Variants in USP48 observed in about 807,000 individuals in gnomAD.
USP48 encodes ubiquitin carboxyl-terminal hydrolase 48.
Under a neutral mutation model 150.7 loss-of-function variants are expected in USP48, and 43 were observed. The ratio of observed to expected loss-of-function variants is 0.29; its 90% CI spans 0.22 to 0.37. The LOEUF (loss-of-function observed/expected upper bound fraction) is 0.37. Ranked by LOEUF, USP48 falls within the 10% of genes least tolerant of loss-of-function variation. USP48 has a pLI of 1.00. For missense variants in USP48, 813 were observed against 1,249.6 expected (o/e 0.65, Z 5.27); for synonymous variants, 396 against 425.9 (o/e 0.93, Z 0.86).
At chr1:21,750,279 G>C (rs1557564597) in intron 6 of USP48, among the ~76,000 whole-genome samples, 1 of 151,940 alleles carries the variant, frequency 6.6e-6, no homozygotes, top group Non-Finnish European at 1.5e-5. Context: ...TCTCATTTTG[G>C]GCTCTGCACT....
At chr1:21,715,298 T>C (rs1186043242) in intron 15 of USP48, 91 bp downstream of exon 15, 4 of 962,004 alleles carry the variant, frequency 4.2e-6, no homozygotes, top group Non-Finnish European at 6.2e-6. Flanking sequence ...CCAGGTAAGA[T>C]GTGAGAGATA....
At chr1:21,689,228 TG>T (rs2097589498) in intron 24 of USP48, among the ~76,000 whole-genome samples, 1 of 149,746 alleles carries the variant, frequency 6.7e-6, no homozygotes. Context: ...TTTTTTTTTT[TG>T]TGGGGGCAGC....
chr1:21,701,469 T>A (rs1463907047), intron 22 of USP48, 29 bp downstream of exon 22: 1 of 1,593,468 alleles, frequency 6.3e-7, no homozygotes, highest in East Asian at 2.2e-5. Context: ...GCAGAAAGTA[T>A]AACAATGAAA....
At chr1:21,701,755 C>A (rs973633274) in intron 21 of USP48, among the ~76,000 whole-genome samples, 153 bp from the exon 22 acceptor site, 7 of 152,176 alleles carry the variant, frequency 4.6e-5, no homozygotes, top group Admixed American at 4.6e-4. Flanking sequence ...AAGAATCAAG[C>A]CTTCACGGTT....
intron 1 of USP48, among the ~76,000 whole-genome samples, chr1:21,764,828 A>G (rs1212018359): frequency 6.6e-6 from 1 of 152,086 alleles, no homozygotes; most frequent in Non-Finnish European, 1.5e-5. Flanking sequence ...AAAAAGTTCT[A>G]AACCTCTCAT....
intron 23 of USP48, among the ~76,000 whole-genome samples, chr1:21,692,315 C>T (rs2097604544): frequency 6.6e-6 from 1 of 152,050 alleles, no homozygotes; most frequent in African/African-American, 2.4e-5. Flanking sequence ...GCTCAGCATG[C>T]AAACATCAAG....
intron 8 of USP48, among the ~76,000 whole-genome samples, chr1:21,743,415 G>A (rs569352424): frequency 3.3e-5 from 5 of 152,248 alleles, no homozygotes; most frequent in Admixed American, 2.6e-4. Context: ...TAACTATCAC[G>A]GACTCAGCAG....
chr1:21,680,491 G>A (rs2097562958), intron 26 of USP48, among the ~76,000 whole-genome samples: 2 of 152,160 alleles, frequency 1.3e-5, no homozygotes, highest in African/African-American at 2.4e-5. Context: ...GAAGAACTGG[G>A]AAAAGGTTAA....
At chr1:21,780,767 G>C (rs1223445699) in intron 1 of USP48, among the ~76,000 whole-genome samples, 1 of 120,268 alleles carries the variant, frequency 8.3e-6, no homozygotes, top group South Asian at 2.8e-4. Context: ...TTTTGAGACT[G>C]AGTCTCGCCC....
chr1:21,734,441 G>A (rs886736045), intron 9 of USP48, among the ~76,000 whole-genome samples: 3 of 152,058 alleles, frequency 2.0e-5, no homozygotes, highest in African/African-American at 7.2e-5. Context: ...AAATTTAAAA[G>A]TGAAAGAATG....
intron 8 of USP48, among the ~76,000 whole-genome samples, chr1:21,742,666 T>C: frequency 6.6e-6 from 1 of 152,182 alleles, no homozygotes; most frequent in Admixed American, 6.5e-5. Flanking sequence ...GGAGATGTGA[T>C]GGTCTTAGAT....
At chr1:21,748,417 CAA>C in intron 6 of USP48, 146 bp from the exon 7 acceptor site, 2 of 707,114 alleles carry the variant, frequency 2.8e-6, no homozygotes, top group Non-Finnish European at 4.5e-6. Context: ...AATGGACACA[CAA>C]AAGTAATGGG....
At chr1:21,704,476 AC>A in intron 19 of USP48, 84 bp from the exon 20 acceptor site, 2 of 1,383,364 alleles carry the variant, frequency 1.4e-6, no homozygotes, top group Non-Finnish European at 1.9e-6. Flanking sequence ...CTAAACCAAA[AC>A]CATTAACACT....
At chr1:21,697,372 G>T (rs367788721) in intron 22 of USP48, among the ~76,000 whole-genome samples, 6 of 152,118 alleles carry the variant, frequency 3.9e-5, no homozygotes, top group East Asian at 1.9e-4. Context: ...ACTGTTGAAA[G>T]AAAAGGTCAG....
At chr1:21,687,336 C>T (rs2097582779) in intron 24 of USP48, 97 bp from the exon 25 acceptor site, 2 of 1,127,448 alleles carry the variant, frequency 1.8e-6, no homozygotes, top group Admixed American at 2.0e-5. Context: ...TGCTATAAGA[C>T]ACAAACACAC....
chr1:21,692,994 A>G (rs1356068177), intron 23 of USP48, among the ~76,000 whole-genome samples: 1 of 152,154 alleles, frequency 6.6e-6, no homozygotes, highest in African/African-American at 2.4e-5. Flanking sequence ...TATGGAACTT[A>G]ACAGGAACCA....
At chr1:21,755,143 GTCT>G (rs2097828448) in intron 3 of USP48, among the ~76,000 whole-genome samples, 1 of 152,018 alleles carries the variant, frequency 6.6e-6, no homozygotes. Flanking sequence ...TGTAGCTTCT[GTCT>G]TCTAACTGGA....
chr1:21,679,469 G>C (rs751623588), intron 26 of USP48, 30 bp from the exon 27 acceptor site: 9 of 1,613,488 alleles, frequency 5.6e-6, no homozygotes, highest in Non-Finnish European at 6.8e-6. Flanking sequence ...TGGAGGGATA[G>C]TTGTGAACTA....
chr1:21,771,461 T>C (rs1054850667), intron 1 of USP48, among the ~76,000 whole-genome samples: 23 of 148,862 alleles, frequency 1.5e-4, no homozygotes, highest in African/African-American at 4.4e-4. Context: ...AATATAATGG[T>C]TAATTATAAA....
Sources: gnomAD v4.1 joint callset for allele counts (sites outside exome capture counted in the v4.1 genomes callset) on GRCh38, gnomAD v4.1.1 for gene constraint, MANE v1.5 for transcripts, NCBI Gene and HGNC (gene_info 2026-07-23, HGNC 2026-07-21) for gene names.